The following CNRIP1 variants were observed in gnomAD, a reference collection of about 807,000 sequenced individuals.
The protein encoded by CNRIP1 is cannabinoid receptor interacting protein 1, also known as CB1 cannabinoid receptor-interacting protein 1.
Under a neutral mutation model 15.2 loss-of-function variants are expected in CNRIP1, and 10 were observed. The observed-to-expected ratio is 0.66, with a 90% CI of 0.41 to 1.12. CNRIP1 has a LOEUF of 1.12. Among genes scored for constraint, CNRIP1 ranks in the 50% most tolerant of loss-of-function variants. The pLI, the probability that CNRIP1 is intolerant of heterozygous loss-of-function variation, is 0.00. For synonymous variants in CNRIP1, 91 were observed against 83.2 expected, an observed-to-expected ratio of 1.09 and a Z score of -0.51; for missense variants, 211 against 214.7, an observed-to-expected ratio of 0.98 and a Z score of 0.11.
chr2:68,317,457 G>A, intron 1 of CNRIP1, 150 bp from the exon 2 acceptor site: 1 of 745,652 alleles, frequency 1.3e-6, no homozygotes, highest in Non-Finnish European at 2.2e-6. Flanking sequence ...TCAGGGGGCA[G>A]TGCTTCTCCT....
At chr2:68,294,152 A>G (rs973957270) in intron 2 of CNRIP1, 126 bp from the exon 3 acceptor site, 22 of 914,246 alleles carry the variant, frequency 2.4e-5, no homozygotes, top group Non-Finnish European at 3.4e-5. Context: ...TTGGTCTGCA[A>G]GGCTCGGAAG....
At chr2:68,297,792 G>A (rs75092382) in intron 2 of CNRIP1, among the ~76,000 whole-genome samples, 5,222 of 152,098 alleles carry the variant, frequency 0.034, 114 homozygotes, top group Admixed American at 0.082. Context: ...AGAGCAATTA[G>A]GAATTTAGGG....
At chr2:68,305,168 C>T (rs148323784) in intron 2 of CNRIP1, among the ~76,000 whole-genome samples, 25,575 of 149,452 alleles carry the variant, frequency 0.17, 2,327 homozygotes, top group Middle Eastern at 0.27. Context: ...TGCTTGAACC[C>T]GGGAGGCAGA....
At chr2:68,301,662 C>T (rs992963302) in intron 2 of CNRIP1, among the ~76,000 whole-genome samples, 14 of 151,932 alleles carry the variant, frequency 9.2e-5, no homozygotes, top group Non-Finnish European at 1.6e-4. Flanking sequence ...GAGGCCGAGG[C>T]GGGTGGATCA....
At chr2:68,313,024 T>C (rs1195659178) in intron 2 of CNRIP1, among the ~76,000 whole-genome samples, 1 of 152,090 alleles carries the variant, frequency 6.6e-6, no homozygotes, top group East Asian at 1.9e-4. Context: ...TTTGGAGGAA[T>C]TGACAAGCTC....
chr2:68,301,405 C>T (rs1326809750), intron 2 of CNRIP1, among the ~76,000 whole-genome samples: 2 of 152,132 alleles, frequency 1.3e-5, no homozygotes, highest in Admixed American at 1.3e-4. Context: ...AAACCTATAG[C>T]TAACTTTATC....
Position 68,319,309 on chromosome 2 carries a change from C to G in CNRIP1, c.92G>C (p.Arg31Pro). The G allele has an allele frequency of 6.4e-7, 1 of 1,556,220 alleles. No individual in the cohort carries two copies. The highest frequency in any genetic ancestry group is 8.7e-7 in the Non-Finnish European group (1 of 1,149,774). ...CTTGATGGTGCGGTTCTGGCCGAAG[C>G]GCTGCCCGTCCACCTTGTAAAAGAC... Reference protein sequence around the residue: ...GPVFYKVDGQRFGQNRTIKLL... With the variant: ...GPVFYKVDGQPFGQNRTIKLL... Residue 31 changes from arginine (R) to proline (P), a missense_variant, in exon 1 of 3, where the codon CGC becomes CCC. Coordinates refer to ENST00000263655, the MANE Select transcript of CNRIP1 (RefSeq NM_015463.3).
chr2:68,292,355 T>TA (rs1257035870), downstream of CNRIP1, among the ~76,000 whole-genome samples: 1 of 152,200 alleles, frequency 6.6e-6, no homozygotes, highest in African/African-American at 2.4e-5. Flanking sequence ...TCACTGCAGG[T>TA]AAGCGATTTG....
intron 2 of CNRIP1, among the ~76,000 whole-genome samples, chr2:68,287,745 T>C (rs1271563211): frequency 2.0e-5 from 3 of 152,244 alleles, no homozygotes; most frequent in African/African-American, 7.2e-5. Context: ...CACATGGCCT[T>C]AGCCCAGGCC....
rs4671896 is a variant in CNRIP1, at chr2:68,303,027, T to G, written c.331-9001A>C. ...CTCGCCCGGCTAATTTTTTGTATTT[T>G]TAGTAGAGACGGGGTTTCACTGTGT... On this transcript the variant is annotated intron_variant, in intron 2 of 2. Transcript: ENST00000263655. 5.9e-4 allele frequency among the ~76,000 whole-genome samples: 90 copies of G among 152,022 alleles called. 1 individual carries two copies. The East Asian group carries it at 0.011, about 19-fold the overall frequency.
At chr2:68,309,670 A>G (rs1476437655) in intron 2 of CNRIP1, among the ~76,000 whole-genome samples, 1 of 152,066 alleles carries the variant, frequency 6.6e-6, no homozygotes, top group African/African-American at 2.4e-5. Context: ...GACTGGCAGG[A>G]GAAAATGACA....
intron 2 of CNRIP1, among the ~76,000 whole-genome samples, chr2:68,304,681 T>C (rs7590842): frequency 0.77 from 116,195 of 150,770 alleles, 45,384 homozygotes; most frequent in African/African-American, 0.9. Context: ...GGAGCAGTGG[T>C]GCGATCTCAG....
At chr2:68,305,751 G>A (rs1462518549) in intron 2 of CNRIP1, among the ~76,000 whole-genome samples, 35 of 146,982 alleles carry the variant, frequency 2.4e-4, no homozygotes, top group Non-Finnish European at 4.3e-4. Context: ...AGCCGAGATG[G>A]CACCACTGCA....
chr2:68,298,785 G>A (rs1671485341), intron 2 of CNRIP1, among the ~76,000 whole-genome samples: 1 of 151,976 alleles, frequency 6.6e-6, no homozygotes, highest in African/African-American at 2.4e-5. Context: ...TATTTCCTGG[G>A]CCTCTTACTA....
rs1035524189 is a variant in CNRIP1 at position 68,316,883 on chromosome 2, C to T, written c.330+274G>A. On this transcript the variant is annotated intron_variant, in intron 2 of 2. Coordinates refer to ENST00000263655, the MANE Select transcript of CNRIP1 (RefSeq NM_015463.3). The stretch of plus-strand genomic sequence containing the variant: ...AAACCAGTTCTGAAGTAGACTATAA[C>T]TGGGAAAATGGCAATGTAGGTTCTG... The T allele has an allele frequency of 3.7e-5, 22 of 602,398 alleles. No individual in the cohort carries two copies. In the East Asian group the frequency reaches 6.0e-4, roughly 17 times the overall value. The allele number at this position is 602,398 out of a possible 1,614,324, so 37.3% of individuals were successfully genotyped here.
At chr2:68,292,755 G>C (rs1671209168), downstream of CNRIP1, among the ~76,000 whole-genome samples, 2 of 152,184 alleles carry the variant, frequency 1.3e-5, no homozygotes, top group Admixed American at 1.3e-4. Context: ...GGTCACCACA[G>C]AAAGAGTAAT....
Position 68,319,587 on chromosome 2 carries a change from T to C in CNRIP1, c.-187A>G. The C allele has an allele frequency of 3.6e-6, 2 of 559,290 alleles. No individual in the cohort carries two copies. The highest frequency in any genetic ancestry group is 6.1e-6 in the Non-Finnish European group (2 of 330,508). The allele number at this position is 559,290 out of a possible 1,614,324, so 34.6% of individuals were successfully genotyped here. On this transcript the variant is annotated 5_prime_UTR_variant, in exon 1 of 3. Coordinates refer to ENST00000263655, the MANE Select transcript of CNRIP1 (RefSeq NM_015463.3). Reference sequence around the variant, plus strand: ...CCCGGGCTTTTGAGGAGCAGCTCCTTAGGCTGTGGCCCCCCTCCCCACTCG... The same window carrying C: ...CCCGGGCTTTTGAGGAGCAGCTCCTCAGGCTGTGGCCCCCCTCCCCACTCG...
chr2:68,290,614 A>G (rs1671143570), downstream of CNRIP1, among the ~76,000 whole-genome samples: 1 of 152,080 alleles, frequency 6.6e-6, no homozygotes, highest in Non-Finnish European at 1.5e-5. Context: ...CTTCCCTTTC[A>G]TGTTCTACTT....
At chr2:68,311,779 G>GGAA (rs397984916) in intron 2 of CNRIP1, among the ~76,000 whole-genome samples, 4 of 90,266 alleles carry the variant, frequency 4.4e-5, no homozygotes, top group South Asian at 3.3e-4. Context: ...CATCTCCGGG[G>GGAA]AAAAAAAAAA....
Sources: gnomAD v4.1 joint callset for allele counts (sites outside exome capture counted in the v4.1 genomes callset) on GRCh38, gnomAD v4.1.1 for gene constraint, MANE v1.5 for transcripts, NCBI Gene and HGNC (gene_info 2026-07-23, HGNC 2026-07-21) for gene names.